Variants in ALKBH3 observed in about 807,000 individuals in gnomAD.
The protein encoded by ALKBH3 is alkB homolog 3, alpha-ketoglutarate dependent dioxygenase.
In ALKBH3, 51 loss-of-function variants were observed where a neutral mutation model predicts 43.9. That is an observed-to-expected ratio of 1.16 (90% confidence interval 0.93 to 1.47). The LOEUF is 1.47. Ranked by LOEUF, ALKBH3 falls within the 40% of genes most tolerant of loss-of-function variation. ALKBH3 has a pLI of 0.00. For synonymous variants in ALKBH3, 102 were observed against 115.2 expected (o/e 0.89, Z 0.73); for missense variants, 361 against 351.9 (o/e 1.03, Z -0.21).
At chr11:43,912,116 CCTT>C (rs1590380448) in intron 8 of ALKBH3, 1 of 151,546 alleles carries the variant, frequency 6.6e-6, no homozygotes, top group South Asian at 2.1e-4. Flanking sequence ...GAGTGAGACT[CCTT>C]CTCAAAACAA....
At chr11:43,891,182 C>G (rs1464859577) in intron 6 of ALKBH3, among the ~76,000 whole-genome samples, 4 of 152,164 alleles carry the variant, frequency 2.6e-5, no homozygotes, top group African/African-American at 9.7e-5. Context: ...TTCAGGACAG[C>G]CTTCTCTCAA....
chr11:43,898,662 C>T (rs1951838151), intron 7 of ALKBH3: 5 of 723,990 alleles, frequency 6.9e-6, no homozygotes, highest in Non-Finnish European at 1.3e-5. Flanking sequence ...GACCTGATGT[C>T]AAAGTGCTGC....
intron 8 of ALKBH3, among the ~76,000 whole-genome samples, chr11:43,913,959 G>T (rs1590381625): frequency 6.6e-6 from 1 of 152,206 alleles, no homozygotes; most frequent in Non-Finnish European, 1.5e-5. Context: ...GGGCAGCACT[G>T]GGGGAACAGT....
intron 5 of ALKBH3, among the ~76,000 whole-genome samples, chr11:43,888,498 A>G (rs1341379572): frequency 6.6e-6 from 1 of 152,266 alleles, no homozygotes; most frequent in East Asian, 1.9e-4. Flanking sequence ...AAACATTAAC[A>G]TCGCCTTAAT....
intron 7 of ALKBH3, among the ~76,000 whole-genome samples, chr11:43,900,258 C>G (rs910792030): frequency 1.9e-5 from 2 of 105,826 alleles, no homozygotes; most frequent in African/African-American, 3.6e-5. Context: ...GAGTCTCGCT[C>G]TGTTACCCAG....
rs1317730136 is a variant in ALKBH3 at position 43,883,143 on chromosome 11, G to A, written c.138G>A (p.Glu46=). ...QKPGQTWKNK[E]HHLSDREFVF... ...CTGGCCAGACCTGGAAGAACAAAGA[G>A]CATCATCTCTCTGACAGAGAGTTTG... The change falls in exon 3 of 10, where the codon GAG becomes GAA. Residue 46 remains glutamate, a synonymous_variant. Transcript: ENST00000302708. 3 of 1,614,072 alleles carry A rather than the reference G, an allele frequency of 1.9e-6. No individual in the cohort carries two copies. The highest frequency in any genetic ancestry group is 4.5e-5 in the East Asian group (2 of 44,882).
chr11:43,889,150 C>T (rs1423596716), intron 5 of ALKBH3, among the ~76,000 whole-genome samples: 1 of 152,348 alleles, frequency 6.6e-6, no homozygotes, highest in East Asian at 1.9e-4. Context: ...GCCTTAGCCT[C>T]CCAAGTAGTT....
At chr11:43,882,826 C>A in intron 2 of ALKBH3, 95 bp downstream of exon 2, 1 of 1,278,596 alleles carries the variant, frequency 7.8e-7, no homozygotes, top group Non-Finnish European at 1.1e-6. Context: ...ACTTCCATTT[C>A]AATTGACGTC....
At chr11:43,897,609 G>C in intron 7 of ALKBH3, 2 of 877,600 alleles carry the variant, frequency 2.3e-6, no homozygotes. Context: ...AGATGGGGCT[G>C]TTCATGTCAT....
chr11:43,918,150 G>A (rs545582048), intron 8 of ALKBH3, among the ~76,000 whole-genome samples: 2 of 152,210 alleles, frequency 1.3e-5, no homozygotes, highest in South Asian at 2.1e-4. Context: ...AGGAAGCTCA[G>A]ATCTGTCCCA....
At position 43,901,994 on chromosome 11, in the gene ALKBH3, A is replaced by G. The variant is rs34248064; in HGVS notation, c.669+269A>G. On this transcript the variant is annotated intron_variant, in intron 8 of 9. Coordinates refer to ENST00000302708, the MANE Select transcript of ALKBH3 (RefSeq NM_139178.4). ...ATAAACTCCCTGTCCTCCTGGAGAT[A>G]CAGTCTAGTTGGGGTAGATAAATAT... 8.1e-3 allele frequency among the ~76,000 whole-genome samples: 1,230 copies of G among 152,304 alleles called. 13 individuals are homozygous for G. Among genetic ancestry groups the G allele is most frequent in the African/African-American group, 0.028 (1,160 of 41,568 alleles).
intron 5 of ALKBH3, among the ~76,000 whole-genome samples, chr11:43,889,027 CT>C (rs961438594): frequency 1.7e-4 from 26 of 150,064 alleles, no homozygotes; most frequent in Admixed American, 1.3e-3. Flanking sequence ...ATTAGTTATT[CT>C]TTTTTTTTTC....
At position 43,905,396 on chromosome 11, in the gene ALKBH3, C is replaced by T. The variant is rs143427782; in HGVS notation, c.669+3671C>T. Among the ~76,000 whole-genome samples, 707 of 151,928 alleles carry T rather than the reference C, an allele frequency of 4.7e-3. 7 individuals carry two copies. The highest frequency in any genetic ancestry group is 0.016 in the African/African-American group (665 of 41,452). ...TCAGCTTCATGTAGACATCATCTCT[C>T]GGATTAAACATTTCACTCCTCCAAG... On this transcript the variant is annotated intron_variant, in intron 8 of 9. Transcript: ENST00000302708.
chr11:43,891,031 TA>T (rs1470884592), intron 6 of ALKBH3, among the ~76,000 whole-genome samples: 1 of 152,240 alleles, frequency 6.6e-6, no homozygotes, highest in Admixed American at 6.5e-5. Context: ...AATTTTTATA[TA>T]TTTTTTGAGT....
intron 7 of ALKBH3, chr11:43,898,413 G>T: frequency 1.4e-6 from 1 of 719,166 alleles, no homozygotes; most frequent in Non-Finnish European, 2.5e-6. Flanking sequence ...ATTACTACAC[G>T]GGAGGCTGGC....
chr11:43,886,515 G>A (rs1309671302), intron 4 of ALKBH3, 91 bp from the exon 5 acceptor site: 12 of 1,295,488 alleles, frequency 9.3e-6, no homozygotes, highest in Non-Finnish European at 1.2e-5. Context: ...GGTGAGCCAG[G>A]ACTTTGGCAG....
At chr11:43,893,936 G>A (rs530533007) in intron 7 of ALKBH3, among the ~76,000 whole-genome samples, 57 of 152,178 alleles carry the variant, frequency 3.7e-4, no homozygotes, top group African/African-American at 1.3e-3. Flanking sequence ...GGCTGGTGTT[G>A]AACACCTGGG....
At chr11:43,887,568 G>C (rs1951754963) in intron 5 of ALKBH3, among the ~76,000 whole-genome samples, 1 of 152,104 alleles carries the variant, frequency 6.6e-6, no homozygotes, top group Non-Finnish European at 1.5e-5. Context: ...CCCCACCTTA[G>C]CCTCTCAAAG....
At chr11:43,899,187 A>G in intron 7 of ALKBH3, 1 of 768,980 alleles carries the variant, frequency 1.3e-6, no homozygotes, top group Non-Finnish European at 2.4e-6. Context: ...CCAGGTGGGA[A>G]CAATGTGCAG....
Sources: gnomAD v4.1 joint callset for allele counts (sites outside exome capture counted in the v4.1 genomes callset) on GRCh38, gnomAD v4.1.1 for gene constraint, MANE v1.5 for transcripts, NCBI Gene and HGNC (gene_info 2026-07-23, HGNC 2026-07-21) for gene names.